Variants in DNAJB11 observed in about 807,000 individuals in gnomAD.
The protein encoded by DNAJB11 is DnaJ heat shock protein family (Hsp40) member B11.
DNAJB11 carries 30 observed loss-of-function variants against 47.2 expected under a neutral mutation model. The ratio of observed to expected loss-of-function variants is 0.64; its 90% CI spans 0.48 to 0.86. The LOEUF is 0.86. DNAJB11 is among the 40% of genes least tolerant of loss of function. DNAJB11 has a pLI of 0.00. For synonymous variants in DNAJB11, 151 were observed against 159.9 expected, an observed-to-expected ratio of 0.94 and a Z score of 0.42; for missense variants, 357 against 440.2, an observed-to-expected ratio of 0.81 and a Z score of 1.69.
intron 1 of DNAJB11, among the ~76,000 whole-genome samples, chr3:186,571,205 G>A (rs1199680058): frequency 6.6e-6 from 1 of 152,180 alleles, no homozygotes; most frequent in Non-Finnish European, 1.5e-5. Context: ...AGCTAGATTT[G>A]CCCAGAGGAG....
chr3:186,585,302 C>G (rs1560238378), intron 9 of DNAJB11, 42 bp from the exon 10 acceptor site: 1 of 1,543,576 alleles, frequency 6.5e-7, no homozygotes, highest in Non-Finnish European at 8.9e-7. Context: ...AGGAAAGTAA[C>G]ATTTTTTTGT....
Position 186,582,077 on chromosome 3 carries a change from G to T in DNAJB11, c.682G>T (p.Gly228Cys). The T allele has an allele frequency of 3.1e-6, 5 of 1,610,298 alleles. No homozygotes were observed. Among genetic ancestry groups the T allele is most frequent in the Non-Finnish European group, 4.2e-6 (5 of 1,176,768 alleles). Residue 228 changes from glycine (G) to cysteine (C), a missense_variant and splice_region_variant, in exon 6 of 10, where the codon GGT becomes TGT. Gly to Cys is a radical substitution (Grantham distance 159). Coordinates refer to ENST00000265028, the MANE Select transcript of DNAJB11 (RefSeq NM_016306.6). Reference sequence around the variant, plus strand: ...CATGGAGTACCCCTTTATTGGAGAAGGTGAAATATTGATATTTGATTTTTT... The same window carrying T: ...CATGGAGTACCCCTTTATTGGAGAATGTGAAATATTGATATTTGATTTTTT... ...DGMEYPFIGEGEPHVDGEPGD... is the reference protein window; with the variant it reads ...DGMEYPFIGECEPHVDGEPGD...
intron 2 of DNAJB11, among the ~76,000 whole-genome samples, chr3:186,575,475 T>C (rs1391957602): frequency 6.6e-6 from 1 of 152,036 alleles, no homozygotes; most frequent in Non-Finnish European, 1.5e-5. Flanking sequence ...GTTAACAGCA[T>C]AAGCACCAAA....
intron 3 of DNAJB11, 107 bp from the exon 4 acceptor site, chr3:186,577,561 T>C (rs1248589003): frequency 1.9e-6 from 2 of 1,031,544 alleles, no homozygotes; most frequent in Non-Finnish European, 2.7e-6. Flanking sequence ...TTTTGCACAA[T>C]GCATTGATAG....
chr3:186,583,431 A>G lies in DNAJB11; in HGVS notation c.741-434A>G, dbSNP rs957152940. On this transcript the variant is annotated intron_variant, in intron 7 of 9. Coordinates refer to ENST00000265028, the MANE Select transcript of DNAJB11 (RefSeq NM_016306.6). ...CATCACTTCTTAGAGAAACTGGAAC[A>G]TGTGTTGTTTCCTGAATAAACCTGA... 2.6e-5 allele frequency among the ~76,000 whole-genome samples: 4 copies of G among 152,236 alleles called. 1 individual carries two copies. Among genetic ancestry groups the G allele is most frequent in the Admixed American group, 2.6e-4 (4 of 15,288 alleles).
chr3:186,573,895 A>T (rs923616844), intron 2 of DNAJB11, among the ~76,000 whole-genome samples: 1 of 152,254 alleles, frequency 6.6e-6, no homozygotes, highest in Non-Finnish European at 1.5e-5. Flanking sequence ...TCTCTAAAGA[A>T]TCTTCACGTT....
intron 7 of DNAJB11, 69 bp downstream of exon 7, chr3:186,582,842 C>A (rs1715532519): frequency 2.7e-6 from 3 of 1,122,808 alleles, no homozygotes; most frequent in South Asian, 1.3e-5. Flanking sequence ...GCCACCAGAG[C>A]AGTTAGACTT....
chr3:186,582,964 G>A (rs1418269264), intron 7 of DNAJB11, among the ~76,000 whole-genome samples, 191 bp downstream of exon 7: 5 of 152,094 alleles, frequency 3.3e-5, no homozygotes, highest in Admixed American at 3.3e-4. Flanking sequence ...TATTTACTTA[G>A]GACTTAAAAA....
chr3:186,574,706 T>C (rs1715205146), intron 2 of DNAJB11, among the ~76,000 whole-genome samples: 1 of 152,210 alleles, frequency 6.6e-6, no homozygotes, highest in Admixed American at 6.5e-5. Context: ...TGTTAATACA[T>C]TTTTGCCATG....
At chr3:186,571,237 A>G (rs1323207047) in intron 1 of DNAJB11, among the ~76,000 whole-genome samples, 1 of 152,080 alleles carries the variant, frequency 6.6e-6, no homozygotes, top group African/African-American at 2.4e-5. Flanking sequence ...TGCATTGCCA[A>G]ACGGCATTTG....
chr3:186,575,469 A>G (rs1169646496), intron 2 of DNAJB11, among the ~76,000 whole-genome samples: 1 of 152,210 alleles, frequency 6.6e-6, no homozygotes, highest in South Asian at 2.1e-4. Flanking sequence ...ATAGTGGTTA[A>G]CAGCATAAGC....
At chr3:186,577,237 C>G (rs995416793) in intron 3 of DNAJB11, among the ~76,000 whole-genome samples, 1 of 152,052 alleles carries the variant, frequency 6.6e-6, no homozygotes. Flanking sequence ...TTAAAATTAC[C>G]GATAAAAATT....
rs1560237389 is a variant in DNAJB11 at position 186,582,600 on chromosome 3, C to T, written c.683-116C>T. ...CAACCAGGCAGAGACACTGCCGTCACAGATTTGACAGGTCAATGCCCAAAG... is the reference window on the plus strand; with the variant it reads ...CAACCAGGCAGAGACACTGCCGTCATAGATTTGACAGGTCAATGCCCAAAG... On this transcript the variant is annotated intron_variant, in intron 6 of 9. Transcript: ENST00000265028. The T allele has an allele frequency of 6.3e-6, 5 of 797,570 alleles. No homozygotes were observed. The African/African-American group carries it at 6.9e-5, about 11-fold the overall frequency. The allele number at this position is 797,570 out of a possible 1,614,324, so 49.4% of individuals were successfully genotyped here. A position where few individuals can be genotyped will look rare whatever the true frequency, so the allele number is the denominator to read the frequency against.
rs1359496764 is a variant in DNAJB11, at chr3:186,582,089, A to T, written c.682+12A>T. 1.9e-6 allele frequency: 3 copies of T among 1,603,884 alleles called. No individual in the cohort carries two copies. The South Asian group carries it at 3.3e-5, about 18-fold the overall frequency. ...CTTTATTGGAGAAGGTGAAATATTG[A>T]TATTTGATTTTTTGATTGTGATAAC... On this transcript the variant is annotated intron_variant, in intron 6 of 9. Transcript: ENST00000265028.
chr3:186,582,898 C>G, intron 7 of DNAJB11, 125 bp downstream of exon 7: 1 of 728,908 alleles, frequency 1.4e-6, no homozygotes, highest in Non-Finnish European at 2.4e-6. Flanking sequence ...TGATTTGTAA[C>G]TCCTCTACAA....
chr3:186,585,204 G>A lies in DNAJB11; in HGVS notation c.1013-140G>A, dbSNP rs985579051. 1.5e-5 allele frequency: 9 copies of A among 592,174 alleles called. No homozygotes were observed. In the East Asian group the frequency reaches 1.6e-4, roughly 10 times the overall value. 36.7% of individuals were successfully genotyped at this position (592,174 alleles called of 1,614,324 possible). A position where few individuals can be genotyped will look rare whatever the true frequency, so the allele number is the denominator to read the frequency against. On this transcript the variant is annotated intron_variant, in intron 9 of 9. Transcript: ENST00000265028. ...TGTGGGGTTACCTACATGCAATTACGTTGGAGATTGGTAGTTATTTAATTC... is the reference window on the plus strand; with the variant it reads ...TGTGGGGTTACCTACATGCAATTACATTGGAGATTGGTAGTTATTTAATTC...
chr3:186,572,988 GCA>G (rs1207811284), intron 2 of DNAJB11, among the ~76,000 whole-genome samples: 2 of 152,074 alleles, frequency 1.3e-5, no homozygotes, highest in Non-Finnish European at 2.9e-5. Context: ...ATCAAACAGA[GCA>G]CAGTTTTAAT....
intron 8 of DNAJB11, 51 bp downstream of exon 8, chr3:186,584,027 G>A (rs1715578837): frequency 7.6e-7 from 1 of 1,313,558 alleles, no homozygotes; most frequent in Non-Finnish European, 1.1e-6. Flanking sequence ...CTTTATGTGG[G>A]TAGTTTTGAG....
intron 3 of DNAJB11, among the ~76,000 whole-genome samples, chr3:186,576,763 T>TCC (rs202144887): frequency 6.6e-6 from 1 of 151,850 alleles, no homozygotes; most frequent in Non-Finnish European, 1.5e-5. Flanking sequence ...GGACATCTTT[T>TCC]CCCCCCGCCA....
Sources: allele counts gnomAD v4.1 joint callset (sites outside exome capture counted in the v4.1 genomes callset), GRCh38; gene constraint gnomAD v4.1.1; transcripts MANE v1.5; gene names NCBI Gene and HGNC (gene_info 2026-07-23, HGNC 2026-07-21).